Variants in FAM241A observed in about 807,000 individuals in gnomAD.
The protein encoded by FAM241A is uncharacterized protein FAM241A.
In FAM241A, 7 loss-of-function variants were observed where a neutral mutation model predicts 12.2. The observed-to-expected ratio is 0.58, with a 90% CI of 0.33 to 1.08. The LOEUF (loss-of-function observed/expected upper bound fraction) is 1.08. Among genes scored for constraint, FAM241A ranks in the 50% least tolerant of loss-of-function variants. FAM241A has a pLI of 0.04. For missense variants in FAM241A, 161 were observed against 169.7 expected, an observed-to-expected ratio of 0.95 and a Z score of 0.29; for synonymous variants, 74 against 68.2, an observed-to-expected ratio of 1.08 and a Z score of -0.42.
Position 112,188,675 on chromosome 4 carries a change from A to G in FAM241A, c.*1737A>G, listed in dbSNP as rs1287700673. ...ATGTCATGAGATTTTGTATATCTAC[A>G]TAAAATATCAGTACATTTTTTTCTA... On this transcript the variant is annotated 3_prime_UTR_variant, in exon 2 of 2. Transcript: ENST00000309733. 1 of 152,198 alleles carries G rather than the reference A, an allele frequency of 6.6e-6. No individual in the cohort carries two copies. Among genetic ancestry groups the G allele is most frequent in the African/African-American group, 2.4e-5 (1 of 41,456 alleles). The allele number at this position is 152,198 out of a possible 1,614,324, so 9.4% of individuals were successfully genotyped here.
chr4:112,180,898 T>A (rs547747488), intron 1 of FAM241A, among the ~76,000 whole-genome samples: 1 of 152,338 alleles, frequency 6.6e-6, no homozygotes, highest in South Asian at 2.1e-4. Flanking sequence ...CCATTACCTT[T>A]ATAATTCTTA....
At chr4:112,149,014 T>C (rs142714636) in intron 1 of FAM241A, among the ~76,000 whole-genome samples, 175 of 152,294 alleles carry the variant, frequency 1.1e-3, no homozygotes, top group African/African-American at 4.0e-3. Flanking sequence ...ATAAAAGTAA[T>C]GTGTGCTTTG....
intron 1 of FAM241A, among the ~76,000 whole-genome samples, chr4:112,172,518 A>C (rs988958884): frequency 6.6e-6 from 1 of 152,238 alleles, no homozygotes; most frequent in East Asian, 1.9e-4. Flanking sequence ...ATTTGAAAGC[A>C]GTGCATTAGT....
intron 1 of FAM241A, among the ~76,000 whole-genome samples, chr4:112,154,835 C>T (rs1723319334): frequency 6.6e-6 from 1 of 151,918 alleles, no homozygotes; most frequent in African/African-American, 2.4e-5. Context: ...GAGTTCGAGA[C>T]CAGCCTGGCC....
rs767994579 is a variant in FAM241A, at chr4:112,153,034, C to T, written c.153+7301C>T. Among the ~76,000 whole-genome samples, 78 of 152,258 alleles carry T rather than the reference C, an allele frequency of 5.1e-4. 1 individual carries two copies. Among genetic ancestry groups the T allele is most frequent in the East Asian group, 9.6e-4 (5 of 5,188 alleles). ...TCCTCCCCTTATTTCCCTCAACTAA[C>T]ACATCATAGAACTGTGTTTTTAGTA... On this transcript the variant is annotated intron_variant, in intron 1 of 1. Transcript: ENST00000309733.
At chr4:112,156,552 A>G (rs1239915468) in intron 1 of FAM241A, among the ~76,000 whole-genome samples, 1 of 152,228 alleles carries the variant, frequency 6.6e-6, no homozygotes, top group African/African-American at 2.4e-5. Context: ...TTATTTGGGC[A>G]TCTCTGAGCT....
intron 1 of FAM241A, among the ~76,000 whole-genome samples, chr4:112,168,569 A>G (rs1392509940): frequency 6.6e-6 from 1 of 152,224 alleles, no homozygotes; most frequent in East Asian, 1.9e-4. Flanking sequence ...TAACTTTGCT[A>G]TGAGACAAAA....
intron 1 of FAM241A, among the ~76,000 whole-genome samples, chr4:112,162,715 A>G (rs561947617): frequency 5.6e-4 from 86 of 152,326 alleles, no homozygotes; most frequent in African/African-American, 1.9e-3. Flanking sequence ...AATCAATATC[A>G]TGAAAATGGC....
intron 1 of FAM241A, among the ~76,000 whole-genome samples, chr4:112,153,971 A>G (rs1416859739): frequency 6.6e-6 from 1 of 152,130 alleles, no homozygotes; most frequent in Non-Finnish European, 1.5e-5. Context: ...TTCCTCTTCC[A>G]ATTAATCCAA....
chr4:112,167,380 G>A (rs1723621217), intron 1 of FAM241A, among the ~76,000 whole-genome samples: 1 of 152,160 alleles, frequency 6.6e-6, no homozygotes, highest in East Asian at 1.9e-4. Flanking sequence ...AAGACACCTA[G>A]AGTGACTAGT....
At chr4:112,174,709 T>C (rs1465916109) in intron 1 of FAM241A, among the ~76,000 whole-genome samples, 1 of 152,196 alleles carries the variant, frequency 6.6e-6, no homozygotes, top group Non-Finnish European at 1.5e-5. Context: ...GCAGGGCTCA[T>C]GTGCTAGGCT....
intron 1 of FAM241A, among the ~76,000 whole-genome samples, chr4:112,169,543 T>C (rs184064386): frequency 1.3e-5 from 2 of 152,226 alleles, no homozygotes; most frequent in African/African-American, 4.8e-5. Flanking sequence ...TCCTCAGGAA[T>C]TGGATGGACA....
At chr4:112,152,914 T>C (rs1723273645) in intron 1 of FAM241A, among the ~76,000 whole-genome samples, 1 of 152,240 alleles carries the variant, frequency 6.6e-6, no homozygotes, top group Admixed American at 6.5e-5. Flanking sequence ...AGTCTCATTT[T>C]GTATGTAAAA....
At chr4:112,185,245 C>T (rs957757342) in intron 1 of FAM241A, among the ~76,000 whole-genome samples, 4 of 151,746 alleles carry the variant, frequency 2.6e-5, no homozygotes, top group Admixed American at 6.6e-5. Flanking sequence ...GGGTCTGGGG[C>T]GGTGGGGAGG....
intron 1 of FAM241A, among the ~76,000 whole-genome samples, chr4:112,170,240 A>C (rs1371402479): frequency 6.6e-6 from 1 of 152,184 alleles, no homozygotes; most frequent in Non-Finnish European, 1.5e-5. Context: ...TTAGTTATTA[A>C]GCACATACAG....
chr4:112,149,829 G>T (rs1723211269), intron 1 of FAM241A, among the ~76,000 whole-genome samples: 1 of 151,158 alleles, frequency 6.6e-6, no homozygotes, highest in African/African-American at 2.4e-5. Flanking sequence ...TTTTTCTTTT[G>T]GCATTATAAG....
intron 1 of FAM241A, among the ~76,000 whole-genome samples, chr4:112,172,391 T>C (rs1267887981): frequency 6.6e-6 from 1 of 152,212 alleles, no homozygotes; most frequent in Non-Finnish European, 1.5e-5. Context: ...AGTGAAGATG[T>C]TTTGTAAACC....
rs1369220755 is a variant in FAM241A at position 112,188,975 on chromosome 4, AAAC to A, written c.*2040_*2042del. The stretch of plus-strand genomic sequence containing the variant: ...TAATATTTGGCTTTGATATGGGAAA[AAAC>A]AAACTTTGCCTATGTAATGGAAATA... On this transcript the variant is annotated 3_prime_UTR_variant, in exon 2 of 2. Coordinates refer to ENST00000309733, the MANE Select transcript of FAM241A (RefSeq NM_152400.3). The A allele has an allele frequency of 2.0e-5, 3 of 152,296 alleles. No individual in the cohort carries two copies. The highest frequency in any genetic ancestry group is 3.4e-3 in the Middle Eastern group (1 of 294). The allele number at this position is 152,296 out of a possible 1,614,324, so 9.4% of individuals were successfully genotyped here. A position where few individuals can be genotyped will look rare whatever the true frequency, so the allele number is the denominator to read the frequency against.
rs1319058412 is a variant in FAM241A at position 112,194,262 on chromosome 4, GT to G, written c.*7328del. 6.6e-6 allele frequency: 1 copy of G among 150,872 alleles called. No individual in the cohort carries two copies. The highest frequency in any genetic ancestry group is 1.5e-5 in the Non-Finnish European group (1 of 67,642). The allele number at this position is 150,872 out of a possible 1,614,324, so 9.3% of individuals were successfully genotyped here. On this transcript the variant is annotated 3_prime_UTR_variant, in exon 2 of 2. Coordinates refer to ENST00000309733, the MANE Select transcript of FAM241A (RefSeq NM_152400.3). Reference sequence around the variant, plus strand: ...GGAGATTTTGGGCTGAGACAATGGGGTTTTCTAGATATACAATCATGTCATC... The same window carrying G: ...GGAGATTTTGGGCTGAGACAATGGGGTTTCTAGATATACAATCATGTCATC...
Sources: allele counts gnomAD v4.1 joint callset (sites outside exome capture counted in the v4.1 genomes callset), GRCh38; gene constraint gnomAD v4.1.1; transcripts MANE v1.5; gene names NCBI Gene and HGNC (gene_info 2026-07-23, HGNC 2026-07-21).